MC5R: variants seen among roughly 807,000 people sequenced by gnomAD.
The protein encoded by MC5R is melanocortin 5 receptor.
For missense variants in MC5R, 420 were observed against 431.4 expected (o/e 0.97, Z 0.23); for synonymous variants, 167 against 164.4 (o/e 1.02, Z -0.12).
chr18:13,825,592 G>T, intron 1 of MC5R, 135 bp from the exon 2 acceptor site: 8 of 464,858 alleles, frequency 1.7e-5, no homozygotes, highest in East Asian at 3.7e-5. Flanking sequence ...AGGACTGAGT[G>T]AGCCGAGCCC....
Position 13,827,001 on chromosome 18 carries a change from T to G in MC5R, c.*258T>G, listed in dbSNP as rs1340143857. 1.0e-4 allele frequency: 42 copies of G among 406,638 alleles called. No individual in the cohort carries two copies. The allele number at this position is 406,638 out of a possible 1,614,324, so 25.2% of individuals were successfully genotyped here. A position where few individuals can be genotyped will look rare whatever the true frequency, so the allele number is the denominator to read the frequency against. On this transcript the variant is annotated 3_prime_UTR_variant, in exon 2 of 2. Transcript: ENST00000589410. ...ATGGTTTCTACTGCTCCCACCCATT[T>G]CTGGGGGCCCCATCCACCCTCCACC...
At position 13,826,904 on chromosome 18, in the gene MC5R, G is replaced by T; in HGVS notation, c.*161G>T. ...TCTCTGTTCAGTTCCTGGTGATTAT[G>T]TCCAACATGCAAGGGTTGCTTATCC... On this transcript the variant is annotated 3_prime_UTR_variant, in exon 2 of 2. Transcript: ENST00000589410. 1.4e-6 allele frequency: 1 copy of T among 694,196 alleles called. No individual in the cohort carries two copies. The highest frequency in any genetic ancestry group is 2.3e-6 in the Non-Finnish European group (1 of 428,246). The allele number at this position is 694,196 out of a possible 1,614,324, so 43.0% of individuals were successfully genotyped here. A position where few individuals can be genotyped will look rare whatever the true frequency, so the allele number is the denominator to read the frequency against.
In MC5R at chr18:13,826,730, C is replaced by T. The variant is rs779081366; in HGVS notation, c.965C>T (p.Pro322Leu). 6.2e-7 allele frequency: 1 copy of T among 1,608,558 alleles called. No homozygotes were observed. Among genetic ancestry groups the T allele is most frequent in the South Asian group, 1.1e-5 (1 of 90,150 alleles). Reference sequence around the variant, plus strand: ...GGTTTCAGGATCGCCTGCAGCTTTCCCAGAAGGGATTAAGCACAAAGTGCT... The same window carrying T: ...GGTTTCAGGATCGCCTGCAGCTTTCTCAGAAGGGATTAAGCACAAAGTGCT... ...CRGFRIACSFPRRD is the reference protein window; with the variant it reads ...CRGFRIACSFLRRD The change falls in exon 2 of 2, where the codon CCC (proline) becomes CTC (leucine). Residue 322 changes from proline (P) to leucine (L), a missense_variant. Physicochemically the swap from Pro to Leu is moderately conservative, Grantham distance 98 (BLOSUM62 -3). Transcript: ENST00000589410.
intron 1 of MC5R, among the ~76,000 whole-genome samples, chr18:13,824,823 A>T (rs552380582): frequency 2.0e-5 from 3 of 151,664 alleles, no homozygotes; most frequent in African/African-American, 7.3e-5. Flanking sequence ...TTTTTTAAAT[A>T]CTGTGCTCAC....
Position 13,826,410 on chromosome 18 carries a change from C to G in MC5R, c.645C>G (p.His215Gln), listed in dbSNP as rs199802908. 15 of 1,614,028 alleles carry G rather than the reference C, an allele frequency of 9.3e-6. No individual in the cohort carries two copies. The highest frequency in any genetic ancestry group is 6.6e-5 in the South Asian group (6 of 91,086). ...ACATGTTCCTCCTGGCGCGGACTCA[C>G]GTCAAGCGGATCGCGGCTCTGCCCG... ...YIHMFLLART[H>Q]VKRIAALPGA... Residue 215 changes from histidine to glutamine, a missense_variant, in exon 2 of 2, where the codon CAC (histidine) becomes CAG (glutamine). By Grantham distance (24) the His-to-Gln change is conservative (BLOSUM62 0). Coordinates refer to ENST00000589410, the MANE Select transcript of MC5R (RefSeq NM_005913.3).
intron 1 of MC5R, among the ~76,000 whole-genome samples, chr18:13,824,820 A>G (rs1253219972): frequency 2.0e-5 from 3 of 147,708 alleles, no homozygotes; most frequent in South Asian, 4.3e-4. Flanking sequence ...TTTTTTTTTA[A>G]ATACTGTGCT....
In MC5R at chr18:13,827,043, G is replaced by C; in HGVS notation, c.*300G>C. ...CCCTCCACCTAGCAGGCATGTGCTC[G>C]GGGAATGCACAGCACCCTCAGTGCA... is the stretch of plus-strand genomic sequence containing the variant. On this transcript the variant is annotated 3_prime_UTR_variant, in exon 2 of 2. Transcript: ENST00000589410. The C allele has an allele frequency of 3.0e-6, 1 of 336,214 alleles. No individual in the cohort carries two copies. Among genetic ancestry groups the C allele is most frequent in the Non-Finnish European group, 5.4e-6 (1 of 183,952 alleles). 20.8% of individuals were successfully genotyped at this position (336,214 alleles called of 1,614,324 possible). A position where few individuals can be genotyped will look rare whatever the true frequency, so the allele number is the denominator to read the frequency against.
At chr18:13,824,888 C>CGAGGGAAAAATAGGTATT (rs1415805069) in intron 1 of MC5R, among the ~76,000 whole-genome samples, 1 of 151,286 alleles carries the variant, frequency 6.6e-6, no homozygotes, top group Non-Finnish European at 1.5e-5. Context: ...AATGCAGAAG[C>CGAGGGAAAAATAGGTATT]GAGGGAAAAA....
At position 13,826,668 on chromosome 18, in the gene MC5R, G is replaced by A. The variant is rs969612658; in HGVS notation, c.903G>A (p.Glu301=). The change falls in exon 2 of 2, where the codon GAG becomes GAA. Residue 301 remains glutamate, a synonymous_variant. Coordinates refer to ENST00000589410, the MANE Select transcript of MC5R (RefSeq NM_005913.3). The part of the protein sequence containing the change: ...DPLIYAFRSQ[E]MRKTFKEIIC... The stretch of plus-strand genomic sequence containing the variant: ...TCATATATGCCTTCCGCAGCCAAGA[G>A]ATGCGGAAGACCTTTAAGGAGATTA... 7 of 1,614,092 alleles carry A rather than the reference G, an allele frequency of 4.3e-6. No homozygotes were observed. The highest frequency in any genetic ancestry group is 1.3e-5 in the African/African-American group (1 of 75,030).
Position 13,825,754 on chromosome 18 carries a change from A to G in MC5R, c.-12A>G. ...AATTTGCTGCCAAGACAAGAGGTGTATTTCTCCAGCAATGAATTCCTCATT... is the reference window on the plus strand; with the variant it reads ...AATTTGCTGCCAAGACAAGAGGTGTGTTTCTCCAGCAATGAATTCCTCATT... On this transcript the variant is annotated 5_prime_UTR_variant, in exon 2 of 2. Coordinates refer to ENST00000589410, the MANE Select transcript of MC5R (RefSeq NM_005913.3). The G allele has an allele frequency of 6.4e-7, 1 of 1,551,882 alleles. No individual in the cohort carries two copies. The highest frequency in any genetic ancestry group is 8.7e-7 in the Non-Finnish European group (1 of 1,152,624).
rs1400068554 is a variant in MC5R at position 13,826,502 on chromosome 18, T to G, written c.737T>G (p.Val246Gly). The G allele has an allele frequency of 1.2e-6, 2 of 1,613,598 alleles. No homozygotes were observed. Among genetic ancestry groups the G allele is most frequent in the Non-Finnish European group, 1.7e-6 (2 of 1,179,664 alleles). Residue 246 changes from valine to glycine, a missense_variant, in exon 2 of 2, where the codon GTG becomes GGG. By Grantham distance (109) the Val-to-Gly change is moderately radical. Coordinates refer to ENST00000589410, the MANE Select transcript of MC5R (RefSeq NM_005913.3). Reference protein sequence around the residue: ...GAVTVTMLLGVFTVCWAPFFL... With the variant: ...GAVTVTMLLGGFTVCWAPFFL... Reference sequence around the variant, plus strand: ...GTCACCGTCACCATGCTGCTGGGCGTGTTTACCGTGTGCTGGGCCCCGTTC... The same window carrying G: ...GTCACCGTCACCATGCTGCTGGGCGGGTTTACCGTGTGCTGGGCCCCGTTC...
In MC5R at chr18:13,826,452, G is replaced by T. The variant is rs777386848; in HGVS notation, c.687G>T (p.Arg229=). 20 of 1,613,732 alleles carry T rather than the reference G, an allele frequency of 1.2e-5. No individual in the cohort carries two copies. The highest frequency in any genetic ancestry group is 1.7e-5 in the Non-Finnish European group (20 of 1,179,744). ...IAALPGASSA[R]QRTSMQGAVT... is the part of the protein sequence containing the mutation. ...CTCTGCCCGGGGCCAGCTCTGCGCG[G>T]CAGAGGACCAGCATGCAGGGCGCGG... The change falls in exon 2 of 2, where the codon CGG becomes CGT. Residue 229 remains arginine (R), a synonymous_variant. Coordinates refer to ENST00000589410, the MANE Select transcript of MC5R (RefSeq NM_005913.3).
At chr18:13,825,217 G>A (rs2044920443) in intron 1 of MC5R, among the ~76,000 whole-genome samples, 1 of 152,190 alleles carries the variant, frequency 6.6e-6, no homozygotes, top group African/African-American at 2.4e-5. Context: ...CTGGGATTTT[G>A]TAGGTTATGA....
Position 13,826,324 on chromosome 18 carries a change from A to T in MC5R, c.559A>T (p.Ile187Phe), listed in dbSNP as rs779874194. 62 of 1,613,984 alleles carry T rather than the reference A, an allele frequency of 3.8e-5. No homozygotes were observed. In the East Asian group the frequency reaches 1.4e-3, roughly 35 times the overall value. ...FILYSESTYV[I>F]LCLISMFFAM... Reference sequence around the variant, plus strand: ...CCTGTACTCAGAATCCACCTACGTCATCCTGTGCCTCATCTCCATGTTCTT... The same window carrying T: ...CCTGTACTCAGAATCCACCTACGTCTTCCTGTGCCTCATCTCCATGTTCTT... The change falls in exon 2 of 2, where the codon ATC (isoleucine) becomes TTC (phenylalanine). Residue 187 changes from isoleucine (I) to phenylalanine (F), a missense_variant. Transcript: ENST00000589410.
At position 13,824,169 on chromosome 18, in the gene MC5R, G is replaced by C. The variant is rs931659128; in HGVS notation, c.-145G>C. On this transcript the variant is annotated 5_prime_UTR_variant, in exon 1 of 2. Coordinates refer to ENST00000589410, the MANE Select transcript of MC5R (RefSeq NM_005913.3). ...CCCGCAGAGCCGCAGCCGCCTAGCTGGGGGAGAGGCCCGTCCGGGGCTGGC... is the reference window on the plus strand; with the variant it reads ...CCCGCAGAGCCGCAGCCGCCTAGCTCGGGGAGAGGCCCGTCCGGGGCTGGC... 1.3e-5 allele frequency: 2 copies of C among 151,574 alleles called. No individual in the cohort carries two copies. The highest frequency in any genetic ancestry group is 2.9e-5 in the Non-Finnish European group (2 of 67,958). 9.4% of individuals were successfully genotyped at this position (151,574 alleles called of 1,614,324 possible).
rs564272302 is a variant in MC5R at position 13,825,281 on chromosome 18, T to C, written c.-39-446T>C. Among the ~76,000 whole-genome samples, 22 of 152,188 alleles carry C rather than the reference T, an allele frequency of 1.4e-4. 1 individual carries two copies. The highest frequency in any genetic ancestry group is 5.3e-4 in the African/African-American group (22 of 41,522). On this transcript the variant is annotated intron_variant, in intron 1 of 1. Transcript: ENST00000589410. ...AGCCCAGGAGAGAAGCCATAAAAAG[T>C]GAAACTGTCCTGGGCACTTGGAGGT... is the stretch of plus-strand genomic sequence containing the variant.
At position 13,824,237 on chromosome 18, in the gene MC5R, C is replaced by A. The variant is rs934725968; in HGVS notation, c.-77C>A. The A allele has an allele frequency of 2.0e-5, 3 of 152,218 alleles. No individual in the cohort carries two copies. Among genetic ancestry groups the A allele is most frequent in the Non-Finnish European group, 4.4e-5 (3 of 68,044 alleles). 9.4% of individuals were successfully genotyped at this position (152,218 alleles called of 1,614,324 possible). A position where few individuals can be genotyped will look rare whatever the true frequency, so the allele number is the denominator to read the frequency against. On this transcript the variant is annotated 5_prime_UTR_variant, in exon 1 of 2. Transcript: ENST00000589410. ...CGTCGGATCCCGGGGACGCCGGGGGCCCGGGCTGAGCGCCGCGGCCCGCGA... is the reference window on the plus strand; with the variant it reads ...CGTCGGATCCCGGGGACGCCGGGGGACCGGGCTGAGCGCCGCGGCCCGCGA...
At position 13,825,848 on chromosome 18, in the gene MC5R, A is replaced by C. The variant is rs779560784; in HGVS notation, c.83A>C (p.Asn28Thr). The change falls in exon 2 of 2, where the codon AAC (asparagine) becomes ACC (threonine). Residue 28 changes from asparagine to threonine, a missense_variant. Transcript: ENST00000589410. Reference sequence around the variant, plus strand: ...AACCTTTCAGGACCCAATGTCAAAAACAAGTCTTCACCATGTGAAGACATG... The same window carrying C: ...AACCTTTCAGGACCCAATGTCAAAACCAAGTCTTCACCATGTGAAGACATG... ...EGNLSGPNVK[N>T]KSSPCEDMGI... The C allele has an allele frequency of 6.2e-7, 1 of 1,613,480 alleles. No individual in the cohort carries two copies. The highest frequency in any genetic ancestry group is 8.5e-7 in the Non-Finnish European group (1 of 1,179,776).
chr18:13,826,025 T>C lies in MC5R; in HGVS notation c.260T>C (p.Met87Thr), dbSNP rs774304710. 15 of 1,614,128 alleles carry C rather than the reference T, an allele frequency of 9.3e-6. No individual in the cohort carries two copies. The change falls in exon 2 of 2, where the codon ATG becomes ACG. Residue 87 changes from methionine to threonine, a missense_variant. Transcript: ENST00000589410. ...SLAVADMLVSMSSAWETITIY... is the reference protein window; with the variant it reads ...SLAVADMLVSTSSAWETITIY... ...GCAGTGGCGGACATGCTGGTGAGCA[T>C]GTCCAGTGCCTGGGAGACCATCACC... is the stretch of plus-strand genomic sequence containing the variant.
Sources: allele counts gnomAD v4.1 joint callset (sites outside exome capture counted in the v4.1 genomes callset), GRCh38; gene constraint gnomAD v4.1.1; transcripts MANE v1.5; gene names NCBI Gene and HGNC (gene_info 2026-07-23, HGNC 2026-07-21).